AKAP13: variants seen among roughly 807,000 people sequenced by gnomAD.
AKAP13 encodes the protein A-kinase anchor protein 13.
In AKAP13, 80 loss-of-function variants were observed where a neutral mutation model predicts 264.5. That is an observed-to-expected ratio of 0.30 (90% CI 0.25 to 0.36). The LOEUF is 0.36. Among genes scored for constraint, AKAP13 ranks in the 10% least tolerant of loss-of-function variants. AKAP13 has a pLI of 1.00. For missense variants in AKAP13, 3,712 were observed against 3,435.2 expected, an observed-to-expected ratio of 1.08 and a Z score of -2.01; for synonymous variants, 1,380 against 1,250.2, an observed-to-expected ratio of 1.10 and a Z score of -2.19.
intron 5 of AKAP13, among the ~76,000 whole-genome samples, chr15:85,574,239 G>T (rs970954968): frequency 7.2e-5 from 11 of 152,204 alleles, no homozygotes; most frequent in Non-Finnish European, 2.9e-5. Flanking sequence ...ATTGTGTGGG[G>T]TATGATTGTG....
At chr15:85,481,830 GT>G (rs2075362388) in intron 1 of AKAP13, among the ~76,000 whole-genome samples, 1 of 152,200 alleles carries the variant, frequency 6.6e-6, no homozygotes, top group Non-Finnish European at 1.5e-5. Flanking sequence ...CAGTGAACTT[GT>G]GAATTTGCTC....
chr15:85,705,265 A>G (rs11852490), intron 17 of AKAP13, among the ~76,000 whole-genome samples: 2,592 of 152,244 alleles, frequency 0.017, 78 homozygotes, highest in African/African-American at 0.059. Context: ...CATTGCTTAA[A>G]TCTCTGTAGG....
chr15:85,518,341 T>C (rs1337163483), intron 2 of AKAP13, among the ~76,000 whole-genome samples: 1 of 152,218 alleles, frequency 6.6e-6, no homozygotes, highest in Non-Finnish European at 1.5e-5. Flanking sequence ...CAGTTTGTTA[T>C]TTGCTGTCAG....
In AKAP13 at chr15:85,743,767, G is replaced by T. The variant is rs1337415376; in HGVS notation, c.8334G>T (p.Lys2778Asn). 3 of 1,613,454 alleles carry T rather than the reference G, an allele frequency of 1.9e-6. No homozygotes were observed. The South Asian group carries it at 3.3e-5, about 18-fold the overall frequency. Reference protein sequence around the residue: ...SASTRLFGLTKPKEKKEKKKK... With the variant: ...SASTRLFGLTNPKEKKEKKKK... Reference sequence around the variant, plus strand: ...CTACCCGCCTGTTTGGGTTAACAAAGCCAAAGGAAAAGAAGGAGAAAAAAA... The same window carrying T: ...CTACCCGCCTGTTTGGGTTAACAAATCCAAAGGAAAAGAAGGAGAAAAAAA... The change falls in exon 36 of 37, where the codon AAG (lysine) becomes AAT (asparagine). Residue 2778 changes from lysine (K) to asparagine (N), a missense_variant. Transcript: ENST00000394518.
chr15:85,526,219 C>T (rs1266933775), intron 3 of AKAP13, among the ~76,000 whole-genome samples: 1 of 152,106 alleles, frequency 6.6e-6, no homozygotes, highest in African/African-American at 2.4e-5. Context: ...AACAAATGGT[C>T]TGAGTTATAA....
intron 8 of AKAP13, among the ~76,000 whole-genome samples, chr15:85,631,300 C>T (rs1213754949): frequency 6.6e-6 from 1 of 152,020 alleles, no homozygotes; most frequent in Non-Finnish European, 1.5e-5. Flanking sequence ...GGCATGACTA[C>T]TAATGGATAT....
At chr15:85,521,173 G>A (rs919816208) in intron 2 of AKAP13, among the ~76,000 whole-genome samples, 1 of 151,908 alleles carries the variant, frequency 6.6e-6, no homozygotes, top group Admixed American at 6.6e-5. Context: ...TAACTTACTT[G>A]TCTAATGACC....
chr15:85,696,476 A>G (rs553307252), intron 17 of AKAP13, among the ~76,000 whole-genome samples: 1 of 152,302 alleles, frequency 6.6e-6, no homozygotes, highest in Non-Finnish European at 1.5e-5. Context: ...TTCTACGTTA[A>G]GGAGTCATTT....
intron 14 of AKAP13, among the ~76,000 whole-genome samples, chr15:85,677,812 A>G (rs1347733118): frequency 6.6e-6 from 1 of 151,876 alleles, no homozygotes; most frequent in Non-Finnish European, 1.5e-5. Flanking sequence ...ACGCCCAGCT[A>G]ATTTTTTTTG....
Position 85,741,505 on chromosome 15 carries a change from C to T in AKAP13, c.8058+10C>T, listed in dbSNP as rs1347759794. 1 of 1,564,888 alleles carries T rather than the reference C, an allele frequency of 6.4e-7. No homozygotes were observed. The highest frequency in any genetic ancestry group is 1.9e-5 in the Admixed American group (1 of 53,782). ...ACGGGACCTGTGTCAGGTAATGGGA[C>T]TCCCTGCCGAGAGCAACCTAATGAT... On this transcript the variant is annotated intron_variant, in intron 35 of 36. Transcript: ENST00000394518.
intron 1 of AKAP13, among the ~76,000 whole-genome samples, chr15:85,439,025 A>G (rs2073479935): frequency 6.7e-6 from 1 of 148,754 alleles, no homozygotes; most frequent in Non-Finnish European, 1.5e-5. Flanking sequence ...ATCAGAGTGA[A>G]CAGGCAACCT....
rs972396624 is a variant in AKAP13, at chr15:85,724,062, C to A, written c.6745+742C>A. Among the ~76,000 whole-genome samples the A allele has an allele frequency of 1.3e-5, 2 of 152,172 alleles. No individual in the cohort carries two copies. The highest frequency in any genetic ancestry group is 2.9e-5 in the Non-Finnish European group (2 of 68,040). ...CACCAATAGCCTTGAATTATACCCA[C>A]CCCGTCGCCCTGGCCTCAGTGAGCT... On this transcript the variant is annotated intron_variant, in intron 26 of 36. Transcript: ENST00000394518. This position sits in a 1 kb window ranked among gnomAD's most constrained non-coding sequence, Gnocchi z 4.2.
chr15:85,433,117 G>T (rs1260441173), intron 1 of AKAP13, among the ~76,000 whole-genome samples: 17 of 53,220 alleles, frequency 3.2e-4, no homozygotes, highest in Admixed American at 9.4e-4. Flanking sequence ...CTTCTGTACA[G>T]TTTTTTTTTT....
intron 1 of AKAP13, among the ~76,000 whole-genome samples, chr15:85,441,165 A>G (rs1016864212): frequency 6.6e-6 from 1 of 152,156 alleles, no homozygotes; most frequent in African/African-American, 2.4e-5. Context: ...TGAGGGCTTC[A>G]GTTTTCCACA....
At chr15:85,607,808 T>C (rs902899533) in intron 8 of AKAP13, among the ~76,000 whole-genome samples, 2 of 152,244 alleles carry the variant, frequency 1.3e-5, no homozygotes, top group Admixed American at 1.3e-4. Context: ...AAAATATGTG[T>C]TCTAGTTAAG....
chr15:85,703,726 C>G (rs2086061091), intron 17 of AKAP13, among the ~76,000 whole-genome samples: 1 of 151,848 alleles, frequency 6.6e-6, no homozygotes, highest in Non-Finnish European at 1.5e-5. Context: ...ACCGGTAATC[C>G]CAGCTACTCA....
chr15:85,538,639 G>A lies in AKAP13; in HGVS notation c.478+4759G>A, dbSNP rs536342459. 1.3e-4 allele frequency among the ~76,000 whole-genome samples: 19 copies of A among 150,416 alleles called. No individual in the cohort carries two copies. The East Asian group carries it at 3.8e-3, about 30-fold the overall frequency. On this transcript the variant is annotated intron_variant, in intron 4 of 36. Coordinates refer to ENST00000394518, the MANE Select transcript of AKAP13 (RefSeq NM_007200.5). ...CGAGTAGCCGGGACTACAGACGCCC[G>A]CCACCACGCCCAGCTAATTTTTTAT...
At chr15:85,508,659 C>CACTG (rs1270060043) in intron 2 of AKAP13, among the ~76,000 whole-genome samples, 1 of 151,754 alleles carries the variant, frequency 6.6e-6, no homozygotes, top group Admixed American at 6.6e-5. Context: ...TCATGTCACT[C>CACTG]TTCTTTTCAA....
chr15:85,400,098 T>G (rs1404847444), intron 1 of AKAP13, among the ~76,000 whole-genome samples: 1 of 152,182 alleles, frequency 6.6e-6, no homozygotes, highest in Non-Finnish European at 1.5e-5. Context: ...TGCGCCTGAC[T>G]GTTAAAGCTT....
Sources: gnomAD v4.1 joint callset for allele counts (sites outside exome capture counted in the v4.1 genomes callset) on GRCh38, gnomAD v4.1.1 for gene constraint, Gnocchi (gnomAD v3.1) non-coding constraint, MANE v1.5 for transcripts, NCBI Gene and HGNC (gene_info 2026-07-23, HGNC 2026-07-21) for gene names.